Variants in DCC observed in about 807,000 individuals in gnomAD.
The protein encoded by DCC is DCC netrin 1 receptor.
Under a neutral mutation model 172.5 loss-of-function variants are expected in DCC, and 58 were observed. That is an observed-to-expected ratio of 0.34 (90% CI 0.27 to 0.42). The LOEUF is 0.42. DCC is among the 10% of genes least tolerant of loss of function. DCC has a pLI of 1.00. For missense variants in DCC, 1,740 were observed against 1,791.0 expected (o/e 0.97, Z 0.51); for synonymous variants, 709 against 644.5 (o/e 1.10, Z -1.52).
intron 2 of DCC, among the ~76,000 whole-genome samples, chr18:52,772,729 G>T (rs1599094588): frequency 6.6e-6 from 1 of 152,202 alleles, no homozygotes; most frequent in Admixed American, 6.5e-5. Context: ...GTGGTGTTTT[G>T]TCTTTCTTTA....
intron 11 of DCC, among the ~76,000 whole-genome samples, chr18:53,214,244 T>A (rs777270004): frequency 9.2e-5 from 14 of 152,038 alleles, no homozygotes; most frequent in African/African-American, 2.9e-4. Flanking sequence ...GCAACCTTCA[T>A]CAGGCACTAA....
At chr18:53,246,048 G>T (rs548977866) in intron 12 of DCC, among the ~76,000 whole-genome samples, 13 of 151,984 alleles carry the variant, frequency 8.6e-5, no homozygotes, top group African/African-American at 3.1e-4. Flanking sequence ...GCACACTTAC[G>T]GTATTGAATA....
chr18:52,784,038 C>A (rs1202588132), intron 2 of DCC, among the ~76,000 whole-genome samples: 1 of 151,984 alleles, frequency 6.6e-6, no homozygotes, highest in Non-Finnish European at 1.5e-5. Flanking sequence ...AGAATTTATT[C>A]CAACTGCATA....
At chr18:53,069,435 C>T (rs576264107) in intron 7 of DCC, among the ~76,000 whole-genome samples, 1 of 152,134 alleles carries the variant, frequency 6.6e-6, no homozygotes, top group Admixed American at 6.5e-5. Flanking sequence ...GGACTTTTCC[C>T]AAGAGGTCCT....
intron 2 of DCC, among the ~76,000 whole-genome samples, chr18:52,794,541 A>T (rs973024643): frequency 1.3e-5 from 2 of 151,846 alleles, no homozygotes; most frequent in African/African-American, 4.8e-5. Context: ...TTTTTGGTGG[A>T]GTCTTTAGGT....
At chr18:53,469,048 T>G (rs1215436718) in intron 25 of DCC, among the ~76,000 whole-genome samples, 2 of 152,186 alleles carry the variant, frequency 1.3e-5, no homozygotes, top group African/African-American at 4.8e-5. Context: ...AGTTCCCTGC[T>G]CACTTTATTG....
At chr18:52,901,866 C>T (rs1227869792) in intron 2 of DCC, among the ~76,000 whole-genome samples, 4 of 152,182 alleles carry the variant, frequency 2.6e-5, no homozygotes. Flanking sequence ...AAAACATCCA[C>T]ATGAATGTAG....
At chr18:53,070,811 C>G (rs966985517) in intron 7 of DCC, among the ~76,000 whole-genome samples, 1 of 152,178 alleles carries the variant, frequency 6.6e-6, no homozygotes, top group East Asian at 1.9e-4. Context: ...ATATTTCCCC[C>G]TTACACATGA....
rs115338464 is a variant in DCC at position 52,863,110 on chromosome 18, T to A, written c.413-42934T>A. Among the ~76,000 whole-genome samples the A allele has an allele frequency of 2.4e-3, 360 of 152,202 alleles. 1 individual carries two copies. Among genetic ancestry groups the A allele is most frequent in the African/African-American group, 8.4e-3 (350 of 41,576 alleles). ...TTTATATTCATCCAGTTTCATCTAT[T>A]CTTTATTTCTTAAATACAATTTACA... On this transcript the variant is annotated intron_variant, in intron 2 of 28. Coordinates refer to ENST00000442544, the MANE Select transcript of DCC (RefSeq NM_005215.4).
Position 52,782,454 on chromosome 18 carries a change from A to T in DCC, c.412+30080A>T, listed in dbSNP as rs570384868. ...TTTCCCCCATCCTCTCATCTCCTACATTTTATATATTGGACCTACCCTAAG... is the reference window on the plus strand; with the variant it reads ...TTTCCCCCATCCTCTCATCTCCTACTTTTTATATATTGGACCTACCCTAAG... On this transcript the variant is annotated intron_variant, in intron 2 of 28. Coordinates refer to ENST00000442544, the MANE Select transcript of DCC (RefSeq NM_005215.4). Among the ~76,000 whole-genome samples, 3 of 152,174 alleles carry T rather than the reference A, an allele frequency of 2.0e-5. No homozygotes were observed. The South Asian group carries it at 6.2e-4, about 32-fold the overall frequency.
intron 9 of DCC, among the ~76,000 whole-genome samples, chr18:53,182,694 G>A (rs565457566): frequency 6.6e-6 from 1 of 152,184 alleles, no homozygotes; most frequent in Non-Finnish European, 1.5e-5. Flanking sequence ...AGTATTTCTA[G>A]GATAAGGAGC....
At position 52,434,816 on chromosome 18, in the gene DCC, C is replaced by T. The variant is rs1359142344; in HGVS notation, c.91+93938C>T. 2.0e-5 allele frequency among the ~76,000 whole-genome samples: 3 copies of T among 152,216 alleles called. No individual in the cohort carries two copies. In the East Asian group the frequency reaches 5.8e-4, roughly 29 times the overall value. ...ACCTAGTCACTGCCCCACACCTCCC[C>T]ACGCCCGTCCCTCTGGAGGCCTCCC... is the stretch of plus-strand genomic sequence containing the variant. On this transcript the variant is annotated intron_variant, in intron 1 of 28. Transcript: ENST00000442544.
intron 1 of DCC, among the ~76,000 whole-genome samples, chr18:52,534,183 C>T (rs1440791037): frequency 6.6e-6 from 1 of 151,944 alleles, no homozygotes; most frequent in Admixed American, 6.6e-5. Context: ...TTATGTCTAA[C>T]ATCTATTATT....
chr18:53,090,689 G>T (rs560303229), intron 7 of DCC, among the ~76,000 whole-genome samples: 2 of 27,880 alleles, frequency 7.2e-5, no homozygotes, highest in South Asian at 1.1e-3. Flanking sequence ...GCGAAACTCC[G>T]TCCCCCAACA....
intron 5 of DCC, among the ~76,000 whole-genome samples, chr18:52,953,549 C>T (rs747797747): frequency 6.6e-6 from 1 of 152,220 alleles, no homozygotes; most frequent in Non-Finnish European, 1.5e-5. Context: ...TAATGTAGCA[C>T]TAAGGCAAGA....
chr18:52,777,370 C>T (rs997865949), intron 2 of DCC, among the ~76,000 whole-genome samples: 1 of 152,160 alleles, frequency 6.6e-6, no homozygotes, highest in African/African-American at 2.4e-5. Flanking sequence ...AGTTATTTGG[C>T]TTGTGGCTGC....
At chr18:53,007,968 A>C (rs1208184054) in intron 5 of DCC, among the ~76,000 whole-genome samples, 2 of 152,114 alleles carry the variant, frequency 1.3e-5, no homozygotes, top group African/African-American at 4.8e-5. Context: ...ACCATTAAAT[A>C]ATCACTTAAG....
chr18:53,180,017 A>T (rs535523139), intron 9 of DCC, among the ~76,000 whole-genome samples: 11 of 152,338 alleles, frequency 7.2e-5, no homozygotes, highest in Non-Finnish European at 1.5e-4. Flanking sequence ...TTTACGTGAA[A>T]CTGTAAAGAG....
At chr18:53,410,831 C>T (rs1909938101) in intron 20 of DCC, among the ~76,000 whole-genome samples, 185 bp downstream of exon 20, 3 of 152,112 alleles carry the variant, frequency 2.0e-5, no homozygotes, top group Non-Finnish European at 4.4e-5. Flanking sequence ...GATCTGCCAT[C>T]AGCACATGGC....
Sources: gnomAD v4.1 joint callset for allele counts (sites outside exome capture counted in the v4.1 genomes callset) on GRCh38, gnomAD v4.1.1 for gene constraint, MANE v1.5 for transcripts, NCBI Gene and HGNC (gene_info 2026-07-23, HGNC 2026-07-21) for gene names.